Variants in MALRD1 observed in about 807,000 individuals in gnomAD.
MALRD1 encodes MAM and LDL-receptor class A domain-containing protein 1.
A neutral mutation model predicts 242.1 loss-of-function variants in MALRD1; 247 were observed. The ratio of observed to expected loss-of-function variants is 1.02; its 90% CI spans 0.92 to 1.13. The LOEUF is 1.13. MALRD1 is among the 50% of genes most tolerant of loss of function. MALRD1 has a pLI of 0.00. For synonymous variants in MALRD1, 995 were observed against 866.6 expected (o/e 1.15, Z -2.60); for missense variants, 2,989 against 2,533.1 (o/e 1.18, Z -3.86).
intron 17 of MALRD1, 143 bp from the exon 18 acceptor site, chr10:19,209,125 A>G: frequency 4.8e-6 from 3 of 627,352 alleles, no homozygotes; most frequent in Non-Finnish European, 7.3e-6. Flanking sequence ...AAAACACTTC[A>G]GTGTTGGATT....
At chr10:19,429,701 T>TA (rs979641963) in intron 28 of MALRD1, among the ~76,000 whole-genome samples, 7 of 152,314 alleles carry the variant, frequency 4.6e-5, no homozygotes, top group African/African-American at 1.7e-4. Context: ...TTTACCCCCA[T>TA]ACGTTCAATT....
At chr10:19,697,496 C>T (rs752911613) in intron 38 of MALRD1, among the ~76,000 whole-genome samples, 1 of 152,006 alleles carries the variant, frequency 6.6e-6, no homozygotes, top group Non-Finnish European at 1.5e-5. Context: ...AGACTAGTGT[C>T]TGACCAAACA....
intron 21 of MALRD1, among the ~76,000 whole-genome samples, chr10:19,302,827 T>C (rs1842010270): frequency 6.6e-6 from 1 of 151,776 alleles, no homozygotes; most frequent in African/African-American, 2.4e-5. Context: ...AGGTGAGGGA[T>C]GAATTTTTTA....
intron 31 of MALRD1, among the ~76,000 whole-genome samples, chr10:19,513,461 CGGGCGTGGTGGCTCACGCCT>C (rs1833492998): frequency 6.6e-6 from 1 of 150,996 alleles, no homozygotes; most frequent in South Asian, 2.1e-4. Flanking sequence ...CCAACCTGGC[CGGGCGTGGTGGCTCACGCCT>C]GTAATCTCAG....
At chr10:19,704,114 A>G (rs538267512) in intron 38 of MALRD1, among the ~76,000 whole-genome samples, 2 of 131,084 alleles carry the variant, frequency 1.5e-5, no homozygotes, top group South Asian at 4.7e-4. Context: ...AACTAACAAA[A>G]GTTAAAAATC....
At chr10:19,068,385 T>C (rs1320606501) in intron 2 of MALRD1, among the ~76,000 whole-genome samples, 5 of 151,978 alleles carry the variant, frequency 3.3e-5, no homozygotes, top group African/African-American at 1.2e-4. Flanking sequence ...ACTGAGATGT[T>C]GTATAGGCAG....
At chr10:19,510,760 C>G (rs1439752319) in intron 31 of MALRD1, among the ~76,000 whole-genome samples, 1 of 152,088 alleles carries the variant, frequency 6.6e-6, no homozygotes, top group Non-Finnish European at 1.5e-5. Flanking sequence ...TTTCTTTTCC[C>G]CATATTGTTT....
chr10:19,675,053 T>C (rs1174293827), intron 36 of MALRD1, among the ~76,000 whole-genome samples: 1 of 152,144 alleles, frequency 6.6e-6, no homozygotes, highest in African/African-American at 2.4e-5. Flanking sequence ...GAACACTTTT[T>C]ATCTGCTGCA....
intron 20 of MALRD1, among the ~76,000 whole-genome samples, chr10:19,280,533 T>C (rs1840751855): frequency 6.6e-6 from 1 of 152,198 alleles, no homozygotes; most frequent in Non-Finnish European, 1.5e-5. Context: ...TGATCTGTAC[T>C]CCTCACACTA....
At chr10:19,369,197 AAT>A in intron 26 of MALRD1, among the ~76,000 whole-genome samples, 1 of 145,864 alleles carries the variant, frequency 6.9e-6, no homozygotes, top group African/African-American at 2.5e-5. Context: ...TATATAAGCT[AAT>A]ATTTAAATTT....
intron 30 of MALRD1, among the ~76,000 whole-genome samples, chr10:19,492,845 T>C (rs1837552009): frequency 6.6e-6 from 1 of 152,170 alleles, no homozygotes; most frequent in African/African-American, 2.4e-5. Flanking sequence ...GGTGACCTTT[T>C]TGGAGACAAA....
At chr10:19,719,246 A>ATGTATG (rs1264659279) in intron 38 of MALRD1, among the ~76,000 whole-genome samples, 2 of 134,422 alleles carry the variant, frequency 1.5e-5, no homozygotes, top group South Asian at 2.3e-4. Flanking sequence ...ATATATATAT[A>ATGTATG]TATATATATA....
At chr10:19,447,055 CA>C (rs1835028635) in intron 28 of MALRD1, among the ~76,000 whole-genome samples, 1 of 97,944 alleles carries the variant, frequency 1.0e-5, no homozygotes, top group Non-Finnish European at 2.1e-5. Flanking sequence ...CACACACACA[CA>C]CACACATACA....
chr10:19,265,309 T>C (rs1839926721), intron 19 of MALRD1, among the ~76,000 whole-genome samples: 1 of 150,976 alleles, frequency 6.6e-6, no homozygotes, highest in African/African-American at 2.4e-5. Flanking sequence ...TAAAGATAGA[T>C]TGCTTATTTG....
chr10:19,456,380 G>C (rs1293019303), intron 29 of MALRD1, among the ~76,000 whole-genome samples: 7 of 151,986 alleles, frequency 4.6e-5, no homozygotes, highest in Non-Finnish European at 8.8e-5. Flanking sequence ...CTGTATGTAT[G>C]ACTCCTGAGT....
At chr10:19,118,021 T>A (rs1836932151) in intron 5 of MALRD1, among the ~76,000 whole-genome samples, 2 of 152,054 alleles carry the variant, frequency 1.3e-5, no homozygotes, top group Admixed American at 1.3e-4. Context: ...AGCAAATAAA[T>A]AAAAAATATA....
intron 39 of MALRD1, among the ~76,000 whole-genome samples, chr10:19,733,687 A>G (rs1835383154): frequency 6.7e-6 from 1 of 148,712 alleles, no homozygotes; most frequent in South Asian, 2.1e-4. Flanking sequence ...TGCTTGTCCT[A>G]TAGAATTTCC....
intron 28 of MALRD1, among the ~76,000 whole-genome samples, chr10:19,390,161 C>T (rs567473260): frequency 2.0e-4 from 31 of 152,314 alleles, no homozygotes; most frequent in African/African-American, 7.0e-4. Flanking sequence ...AGTAATTAAT[C>T]TAGGACACAT....
chr10:19,382,481 T>C (rs990555851), intron 26 of MALRD1, among the ~76,000 whole-genome samples: 24 of 152,180 alleles, frequency 1.6e-4, no homozygotes, highest in Non-Finnish European at 3.1e-4. Flanking sequence ...TGCTATTATG[T>C]AATCACAAAC....
Sources: gnomAD v4.1 joint callset for allele counts (sites outside exome capture counted in the v4.1 genomes callset) on GRCh38, gnomAD v4.1.1 for gene constraint, MANE v1.5 for transcripts, NCBI Gene and HGNC (gene_info 2026-07-23, HGNC 2026-07-21) for gene names.